Variants in RALGPS1 observed in about 807,000 individuals in gnomAD.
RALGPS1 encodes the protein ras-specific guanine nucleotide-releasing factor RalGPS1.
In RALGPS1, 19 loss-of-function variants were observed where a neutral mutation model predicts 78.8. The observed-to-expected ratio is 0.24, with a 90% CI of 0.17 to 0.35. RALGPS1 has a LOEUF of 0.35. Ranked by LOEUF, RALGPS1 falls within the 10% of genes least tolerant of loss-of-function variation. The probability of loss-of-function intolerance (pLI) is 1.00; values close to 1 mark genes in which losing one functional copy is unlikely to be tolerated. For synonymous variants in RALGPS1, 228 were observed against 256.3 expected, an observed-to-expected ratio of 0.89 and a Z score of 1.06; for missense variants, 454 against 688.3, an observed-to-expected ratio of 0.66 and a Z score of 3.81.
intron 8 of RALGPS1, among the ~76,000 whole-genome samples, chr9:127,156,521 A>G (rs73668489): frequency 9.8e-5 from 15 of 152,302 alleles, no homozygotes; most frequent in African/African-American, 3.6e-4. Flanking sequence ...CTTGATTATT[A>G]CTGCATCTTG....
intron 8 of RALGPS1, among the ~76,000 whole-genome samples, chr9:127,120,096 A>G (rs955694063): frequency 2.6e-5 from 4 of 152,222 alleles, no homozygotes; most frequent in Admixed American, 2.6e-4. Context: ...CATGGCCACC[A>G]TAGTGCCAGA....
intron 8 of RALGPS1, among the ~76,000 whole-genome samples, chr9:127,109,266 C>T (rs1297766298): frequency 6.6e-6 from 1 of 152,238 alleles, no homozygotes; most frequent in Non-Finnish European, 1.5e-5. Context: ...TGCTGAATAG[C>T]AGTTCTGTTT....
chr9:126,921,888 A>G (rs539270647), intron 1 of RALGPS1, among the ~76,000 whole-genome samples: 84 of 152,304 alleles, frequency 5.5e-4, no homozygotes, highest in African/African-American at 2.0e-3. Context: ...GGGTAGTAAG[A>G]TTTTTAGGAT....
chr9:126,941,898 G>A (rs573070910), intron 1 of RALGPS1, among the ~76,000 whole-genome samples: 1 of 152,098 alleles, frequency 6.6e-6, no homozygotes, highest in African/African-American at 2.4e-5. Context: ...TAGCTTTCCT[G>A]GAACATATAC....
chr9:127,151,755 A>G (rs980966726), intron 8 of RALGPS1, among the ~76,000 whole-genome samples: 4 of 152,210 alleles, frequency 2.6e-5, no homozygotes, highest in Non-Finnish European at 5.9e-5. Context: ...GAATGTATCT[A>G]GGGATAGATA....
intron 8 of RALGPS1, among the ~76,000 whole-genome samples, chr9:127,152,318 A>G (rs1043745319): frequency 1.3e-5 from 2 of 152,186 alleles, no homozygotes; most frequent in African/African-American, 4.8e-5. Flanking sequence ...CCCCGAATGT[A>G]CCCTTGAATG....
chr9:127,174,607 T>C (rs2059749401), intron 10 of RALGPS1, 108 bp from the exon 11 acceptor site: 1 of 948,054 alleles, frequency 1.1e-6, no homozygotes. Context: ...GGAGCAGATC[T>C]CACAGTATTC....
Position 127,205,912 on chromosome 9 carries a change from G to T in RALGPS1, c.1248-6219G>T, listed in dbSNP as rs1283580579. 2.6e-5 allele frequency among the ~76,000 whole-genome samples: 4 copies of T among 152,242 alleles called. No individual in the cohort carries two copies. Among genetic ancestry groups the T allele is most frequent in the African/African-American group, 9.6e-5 (4 of 41,468 alleles). On this transcript the variant is annotated intron_variant, in intron 14 of 18. Transcript: ENST00000259351. This position sits in a 1 kb window ranked among gnomAD's most constrained non-coding sequence, Gnocchi z 4.0. ...GCCCTGTCCACTTAGCTGTCAGAAG[G>T]ATGGGGACATACAGTACAAATGTGG...
intron 14 of RALGPS1, among the ~76,000 whole-genome samples, chr9:127,204,050 G>A (rs1265825561): frequency 1.3e-5 from 2 of 152,210 alleles, no homozygotes; most frequent in African/African-American, 4.8e-5. Context: ...GATCCTCCCA[G>A]GTCCTTGGGC....
chr9:127,184,996 A>C (rs893139755), intron 11 of RALGPS1, among the ~76,000 whole-genome samples: 1 of 152,050 alleles, frequency 6.6e-6, no homozygotes, highest in East Asian at 1.9e-4. Context: ...CATCCCAAAC[A>C]CATGTCTTCC....
intron 8 of RALGPS1, among the ~76,000 whole-genome samples, chr9:127,146,914 T>A (rs1482040361): frequency 6.6e-6 from 1 of 152,264 alleles, no homozygotes; most frequent in Non-Finnish European, 1.5e-5. Flanking sequence ...ATTGCAGGGT[T>A]GAATAGTAGC....
intron 7 of RALGPS1, among the ~76,000 whole-genome samples, chr9:127,068,873 G>A (rs969076092): frequency 6.6e-6 from 1 of 152,170 alleles, no homozygotes; most frequent in African/African-American, 2.4e-5. Flanking sequence ...CTAGAAAAAG[G>A]GTGGTAACTT....
chr9:126,986,877 T>G (rs182175121), intron 4 of RALGPS1, among the ~76,000 whole-genome samples: 2 of 152,320 alleles, frequency 1.3e-5, no homozygotes, highest in East Asian at 3.9e-4. Flanking sequence ...GTATTTTCTT[T>G]ATGCCTTGAT....
At chr9:127,094,107 G>A (rs1284613414) in intron 8 of RALGPS1, among the ~76,000 whole-genome samples, 1 of 152,042 alleles carries the variant, frequency 6.6e-6, no homozygotes, top group East Asian at 1.9e-4. Flanking sequence ...CAAGAGCCTC[G>A]GACCAGGGGT....
At chr9:127,150,724 A>C (rs1472267789) in intron 8 of RALGPS1, among the ~76,000 whole-genome samples, 2 of 152,208 alleles carry the variant, frequency 1.3e-5, no homozygotes, top group Admixed American at 6.5e-5. Context: ...CCGAGCCCCA[A>C]AGAAAGGCGT....
At chr9:127,013,832 C>T (rs1365842500) in intron 4 of RALGPS1, among the ~76,000 whole-genome samples, 1 of 152,224 alleles carries the variant, frequency 6.6e-6, no homozygotes, top group Non-Finnish European at 1.5e-5. Flanking sequence ...TCCCACAGGT[C>T]CTTGAACCTA....
At chr9:126,935,921 A>G (rs746883093) in intron 1 of RALGPS1, among the ~76,000 whole-genome samples, 3 of 152,212 alleles carry the variant, frequency 2.0e-5, no homozygotes, top group Non-Finnish European at 2.9e-5. Context: ...CTTGCTGCCT[A>G]TGCTCTTGGA....
In RALGPS1 at chr9:127,034,501, G is replaced by A. The variant is rs767763549; in HGVS notation, c.287G>A (p.Arg96Gln). 1.4e-5 allele frequency: 23 copies of A among 1,613,906 alleles called. No homozygotes were observed. The highest frequency in any genetic ancestry group is 2.2e-5 in the East Asian group (1 of 44,882). Residue 96 changes from arginine (R) to glutamine (Q), a missense_variant, in exon 5 of 19, where the codon CGG (arginine) becomes CAG (glutamine). Arg to Gln is a conservative substitution (Grantham distance 43). Transcript: ENST00000259351. ...GCCCCTAACGTTGTGGCCTTTACCCGGAGGTTTAACCAGGTAAGCAACACC... is the reference window on the plus strand; with the variant it reads ...GCCCCTAACGTTGTGGCCTTTACCCAGAGGTTTAACCAGGTAAGCAACACC... ...SLAPNVVAFT[R>Q]RFNQVSFWVV... is the part of the protein sequence containing the mutation.
intron 8 of RALGPS1, among the ~76,000 whole-genome samples, chr9:127,159,895 A>G (rs2139394401): frequency 6.6e-6 from 1 of 152,358 alleles, no homozygotes; most frequent in South Asian, 2.1e-4. Flanking sequence ...GAGAACATGG[A>G]AAAAAGTCTT....
Sources: gnomAD v4.1 joint callset for allele counts (sites outside exome capture counted in the v4.1 genomes callset) on GRCh38, gnomAD v4.1.1 for gene constraint, Gnocchi (gnomAD v3.1) non-coding constraint, MANE v1.5 for transcripts, NCBI Gene and HGNC (gene_info 2026-07-23, HGNC 2026-07-21) for gene names.